Variants in XKR4 observed in about 807,000 individuals in gnomAD.
The protein encoded by XKR4 is XK related 4.
A neutral mutation model predicts 53.9 loss-of-function variants in XKR4; 12 were observed. The ratio of observed to expected loss-of-function variants is 0.22; its 90% CI spans 0.14 to 0.36. XKR4 has a LOEUF of 0.36. Among genes scored for constraint, XKR4 ranks in the 10% least tolerant of loss-of-function variants. The pLI is 1.00. For synonymous variants in XKR4, 354 were observed against 362.4 expected, an observed-to-expected ratio of 0.98 and a Z score of 0.26; for missense variants, 799 against 859.5, an observed-to-expected ratio of 0.93 and a Z score of 0.88.
At chr8:55,449,899 C>T in intron 2 of XKR4, 1 of 893,136 alleles carries the variant, frequency 1.1e-6, no homozygotes. Flanking sequence ...GGCAGCCTGG[C>T]GGGAGCCAGA....
chr8:55,389,086 G>A (rs1278735875), intron 2 of XKR4, among the ~76,000 whole-genome samples: 1 of 152,168 alleles, frequency 6.6e-6, no homozygotes, highest in Non-Finnish European at 1.5e-5. Context: ...TGCACACACA[G>A]GGAGAGAGAC....
At chr8:55,160,127 G>T (rs997060276) in intron 1 of XKR4, among the ~76,000 whole-genome samples, 1 of 152,306 alleles carries the variant, frequency 6.6e-6, no homozygotes, top group South Asian at 2.1e-4. Flanking sequence ...GAAGCATAAG[G>T]GTGTAGTCAT....
chr8:55,295,502 A>C (rs920523449), intron 1 of XKR4, among the ~76,000 whole-genome samples: 1 of 152,058 alleles, frequency 6.6e-6, no homozygotes, highest in African/African-American at 2.4e-5. Context: ...ACAAAGAAAT[A>C]ACAACAATAT....
intron 2 of XKR4, among the ~76,000 whole-genome samples, chr8:55,408,302 C>T (rs994044635): frequency 2.0e-5 from 3 of 152,144 alleles, no homozygotes; most frequent in African/African-American, 7.2e-5. Flanking sequence ...GAATGTTGCC[C>T]AGAGTTTGCC....
intron 1 of XKR4, among the ~76,000 whole-genome samples, chr8:55,114,968 C>T (rs1168679665): frequency 6.6e-6 from 1 of 152,088 alleles, no homozygotes; most frequent in Non-Finnish European, 1.5e-5. Context: ...TCATGGGCAT[C>T]CCCCCTAAAT....
intron 1 of XKR4, among the ~76,000 whole-genome samples, chr8:55,291,592 A>G (rs1018374059): frequency 6.6e-6 from 1 of 152,190 alleles, no homozygotes; most frequent in African/African-American, 2.4e-5. Context: ...AGGTTTACAC[A>G]TAACTATTTC....
intron 1 of XKR4, among the ~76,000 whole-genome samples, chr8:55,107,549 T>C (rs1205796128): frequency 1.3e-5 from 2 of 152,202 alleles, no homozygotes. Context: ...GTTCATTGCC[T>C]AACTTACTAT....
At position 55,534,929 on chromosome 8, in the gene XKR4, T is replaced by A. The variant is rs2129407114; in HGVS notation, c.*10702T>A. 6.6e-6 allele frequency: 1 copy of A among 152,300 alleles called. No individual in the cohort carries two copies. Among genetic ancestry groups the A allele is most frequent in the Admixed American group, 6.5e-5 (1 of 15,298 alleles). The allele number at this position is 152,300 out of a possible 1,614,324, so 9.4% of individuals were successfully genotyped here. A position where few individuals can be genotyped will look rare whatever the true frequency, so the allele number is the denominator to read the frequency against. On this transcript the variant is annotated 3_prime_UTR_variant, in exon 3 of 3. Transcript: ENST00000327381. ...GTATAACAATTTTAGGAGTTCACCCTAGATGAAAGAGTGGAAGTCATCAGA... is the reference window on the plus strand; with the variant it reads ...GTATAACAATTTTAGGAGTTCACCCAAGATGAAAGAGTGGAAGTCATCAGA...
chr8:55,421,629 A>T (rs901361361), intron 2 of XKR4, among the ~76,000 whole-genome samples: 1 of 152,218 alleles, frequency 6.6e-6, no homozygotes, highest in Non-Finnish European at 1.5e-5. Context: ...GTTATTTAAC[A>T]AATTTAGGGT....
chr8:55,356,040 A>C (rs1803792702), intron 1 of XKR4, among the ~76,000 whole-genome samples: 1 of 152,256 alleles, frequency 6.6e-6, no homozygotes, highest in African/African-American at 2.4e-5. Flanking sequence ...GCAAGAGCTC[A>C]GGAAATATTA....
At chr8:55,163,289 C>T (rs530824820) in intron 1 of XKR4, among the ~76,000 whole-genome samples, 3 of 152,300 alleles carry the variant, frequency 2.0e-5, no homozygotes, top group Non-Finnish European at 4.4e-5. Context: ...GAGTGGCTTT[C>T]AGATCCTTCT....
At chr8:55,228,909 G>A (rs1249325529) in intron 1 of XKR4, among the ~76,000 whole-genome samples, 1 of 151,702 alleles carries the variant, frequency 6.6e-6, no homozygotes, top group African/African-American at 2.4e-5. Flanking sequence ...TATGATTCTG[G>A]ATTAGGGAAT....
chr8:55,181,993 G>A (rs1440675526), intron 1 of XKR4, among the ~76,000 whole-genome samples: 1 of 152,146 alleles, frequency 6.6e-6, no homozygotes, highest in Non-Finnish European at 1.5e-5. Flanking sequence ...GGCCAAGGCT[G>A]TACCTGACTC....
At chr8:55,466,722 G>T (rs941398287) in intron 2 of XKR4, among the ~76,000 whole-genome samples, 3 of 152,000 alleles carry the variant, frequency 2.0e-5, no homozygotes, top group African/African-American at 7.3e-5. Flanking sequence ...CTCTTTCCAT[G>T]TAATATATGA....
chr8:55,433,727 T>G (rs1805134103), intron 2 of XKR4, among the ~76,000 whole-genome samples: 1 of 152,130 alleles, frequency 6.6e-6, no homozygotes, highest in Admixed American at 6.5e-5. Context: ...AAATGAGTAT[T>G]AGGAGGAAGG....
rs773520488 is a variant in XKR4, at chr8:55,102,783, C to A, written c.295C>A (p.Arg99Ser). 2 of 1,583,136 alleles carry A rather than the reference C, an allele frequency of 1.3e-6. No individual in the cohort carries two copies. Among genetic ancestry groups the A allele is most frequent in the East Asian group, 2.3e-5 (1 of 42,976 alleles). Reference sequence around the variant, plus strand: ...GGCGGGCTCGGCTGCGCTGTGCCTGCGCCTGGGCAGGGAGCAGCGGCGCTA... The same window carrying A: ...GGCGGGCTCGGCTGCGCTGTGCCTGAGCCTGGGCAGGGAGCAGCGGCGCTA... The part of the protein sequence containing the change: ...GGAGSAALCL[R>S]LGREQRRYSL... The change falls in exon 1 of 3, where the codon CGC becomes AGC. Residue 99 changes from arginine to serine, a missense_variant. Coordinates refer to ENST00000327381, the MANE Select transcript of XKR4 (RefSeq NM_052898.2). This position sits in a 1 kb window ranked among gnomAD's most constrained non-coding sequence, Gnocchi z 5.1.
intron 2 of XKR4, among the ~76,000 whole-genome samples, chr8:55,512,776 C>A (rs763018119): frequency 6.6e-6 from 1 of 152,120 alleles, no homozygotes; most frequent in Admixed American, 6.5e-5. Flanking sequence ...GCTACCAATA[C>A]ACCCCTCCAT....
At chr8:55,486,580 C>T (rs557835409) in intron 2 of XKR4, among the ~76,000 whole-genome samples, 1 of 152,346 alleles carries the variant, frequency 6.6e-6, no homozygotes, top group South Asian at 2.1e-4. Flanking sequence ...TGTGAAGGGG[C>T]AGAAGTCATA....
At chr8:55,489,058 C>T (rs895444646) in intron 2 of XKR4, among the ~76,000 whole-genome samples, 2 of 151,730 alleles carry the variant, frequency 1.3e-5, no homozygotes, top group African/African-American at 2.4e-5. Context: ...TATGATACTA[C>T]AATGGTGGAT....
Sources: gnomAD v4.1 joint callset for allele counts (sites outside exome capture counted in the v4.1 genomes callset) on GRCh38, gnomAD v4.1.1 for gene constraint, Gnocchi (gnomAD v3.1) non-coding constraint, MANE v1.5 for transcripts, NCBI Gene and HGNC (gene_info 2026-07-23, HGNC 2026-07-21) for gene names.